The following RANBP10 variants were observed in gnomAD, a reference collection of about 807,000 sequenced individuals.
RANBP10 encodes ran-binding protein 10.
Under a neutral mutation model 72.8 loss-of-function variants are expected in RANBP10, and 24 were observed. That is an observed-to-expected ratio of 0.33 (90% confidence interval 0.24 to 0.46). RANBP10 has a LOEUF of 0.46. Among genes scored for constraint, RANBP10 ranks in the 20% least tolerant of loss-of-function variants. The pLI is 1.00. For synonymous variants in RANBP10, 310 were observed against 322.3 expected (o/e 0.96, Z 0.41); for missense variants, 679 against 817.5 (o/e 0.83, Z 2.07).
At chr16:67,793,721 A>G (rs563151714) in intron 2 of RANBP10, among the ~76,000 whole-genome samples, 1 of 152,244 alleles carries the variant, frequency 6.6e-6, no homozygotes, top group Admixed American at 6.5e-5. Flanking sequence ...TATAAGCATC[A>G]AAGTCCATAT....
At chr16:67,737,565 T>C (rs2053878749) in intron 5 of RANBP10, among the ~76,000 whole-genome samples, 1 of 151,876 alleles carries the variant, frequency 6.6e-6, no homozygotes, top group Admixed American at 6.6e-5. Flanking sequence ...GGCTTGGGGG[T>C]GCCCTAGATA....
intron 5 of RANBP10, among the ~76,000 whole-genome samples, chr16:67,737,202 T>TTTTTC (rs1567678422): frequency 7.4e-6 from 1 of 135,390 alleles, no homozygotes; most frequent in African/African-American, 2.8e-5. Flanking sequence ...CTTTTTTTTT[T>TTTTTC]TTTTTTTTTT....
chr16:67,786,206 G>C (rs1344916437), intron 2 of RANBP10, among the ~76,000 whole-genome samples: 1 of 151,896 alleles, frequency 6.6e-6, no homozygotes, highest in Non-Finnish European at 1.5e-5. Context: ...GCATGCACCT[G>C]TAGTCCCAGC....
At chr16:67,774,157 A>C (rs1041574576) in intron 2 of RANBP10, among the ~76,000 whole-genome samples, 5 of 152,216 alleles carry the variant, frequency 3.3e-5, no homozygotes, top group Admixed American at 3.3e-4. Context: ...CAAGTGCAAC[A>C]GTCAGGGCTT....
chr16:67,753,983 A>C (rs1435153902), intron 3 of RANBP10, among the ~76,000 whole-genome samples: 1 of 152,000 alleles, frequency 6.6e-6, no homozygotes, highest in Non-Finnish European at 1.5e-5. Flanking sequence ...AAAATACAAA[A>C]AATTAGCCAG....
intron 3 of RANBP10, among the ~76,000 whole-genome samples, chr16:67,754,682 C>T (rs1242384809): frequency 6.6e-6 from 1 of 152,212 alleles, no homozygotes; most frequent in Non-Finnish European, 1.5e-5. Flanking sequence ...GGCTAGGATC[C>T]TCACACAGGC....
At chr16:67,789,869 C>T (rs1331414288) in intron 2 of RANBP10, among the ~76,000 whole-genome samples, 1 of 151,852 alleles carries the variant, frequency 6.6e-6, no homozygotes, top group Admixed American at 6.6e-5. Context: ...GAGGCCAAGA[C>T]AGGCGGATCA....
intron 2 of RANBP10, among the ~76,000 whole-genome samples, chr16:67,794,647 C>T (rs1369035808): frequency 3.2e-4 from 48 of 150,128 alleles, no homozygotes; most frequent in Non-Finnish European, 5.2e-4. Context: ...CTCAGCCTCC[C>T]GAAGAGCTGA....
At chr16:67,792,870 G>A (rs1216793707) in intron 2 of RANBP10, among the ~76,000 whole-genome samples, 1 of 151,978 alleles carries the variant, frequency 6.6e-6, no homozygotes. Context: ...GTATGGGTCA[G>A]GAGACCCTCA....
chr16:67,740,902 C>A (rs2053957009), intron 4 of RANBP10, among the ~76,000 whole-genome samples: 1 of 152,126 alleles, frequency 6.6e-6, no homozygotes, highest in African/African-American at 2.4e-5. Flanking sequence ...TCTCTCTGTA[C>A]CCAGGAGAAG....
At chr16:67,779,698 AGGT>A (rs1426032350) in intron 2 of RANBP10, among the ~76,000 whole-genome samples, 1 of 152,128 alleles carries the variant, frequency 6.6e-6, no homozygotes, top group Non-Finnish European at 1.5e-5. Flanking sequence ...CTTTTCATAG[AGGT>A]TCTTCCAGTC....
chr16:67,777,445 AGAATGGCGTGAACCCAGGAGG>A (rs2054727628), intron 2 of RANBP10, among the ~76,000 whole-genome samples: 1 of 152,086 alleles, frequency 6.6e-6, no homozygotes, highest in Admixed American at 6.6e-5. Flanking sequence ...CTGAGGCAGG[AGAATGGCGTGAACCCAGGAGG>A]CTGAGCTTGC....
chr16:67,742,850 T>C (rs1214897972), intron 4 of RANBP10, among the ~76,000 whole-genome samples: 1 of 152,056 alleles, frequency 6.6e-6, no homozygotes, highest in Non-Finnish European at 1.5e-5. Context: ...GGAATCAGAG[T>C]GCAGAGTGGA....
chr16:67,751,087 T>C (rs2054187148), intron 3 of RANBP10, among the ~76,000 whole-genome samples: 1 of 152,164 alleles, frequency 6.6e-6, no homozygotes. Context: ...TTTCTCAGGT[T>C]AGAACAGTAG....
intron 3 of RANBP10, among the ~76,000 whole-genome samples, chr16:67,758,494 G>C (rs1007271579): frequency 6.6e-6 from 1 of 152,094 alleles, no homozygotes; most frequent in Admixed American, 6.6e-5. Flanking sequence ...ACCCCTTCTC[G>C]AAAGGAGCTC....
At chr16:67,749,152 G>C (rs1285802131) in intron 3 of RANBP10, among the ~76,000 whole-genome samples, 4 of 152,230 alleles carry the variant, frequency 2.6e-5, no homozygotes, top group Admixed American at 2.6e-4. Context: ...GCTGACAAGA[G>C]AGGCAGAGAG....
intron 6 of RANBP10, among the ~76,000 whole-genome samples, chr16:67,733,787 T>C (rs182985696): frequency 6.6e-6 from 1 of 152,288 alleles, no homozygotes; most frequent in Admixed American, 6.5e-5. Context: ...GGCAACAAAG[T>C]GCGACCCCAT....
chr16:67,751,785 G>A (rs546147097), intron 3 of RANBP10, among the ~76,000 whole-genome samples: 18 of 152,044 alleles, frequency 1.2e-4, no homozygotes, highest in South Asian at 4.2e-4. Context: ...GCGTGGTGGC[G>A]TGCTCCTGTA....
intron 3 of RANBP10, among the ~76,000 whole-genome samples, chr16:67,746,529 T>C (rs891540298): frequency 6.6e-6 from 1 of 152,144 alleles, no homozygotes; most frequent in African/African-American, 2.4e-5. Context: ...CGCCTGCCTA[T>C]AGTCCCAGCT....
Sources: gnomAD v4.1 joint callset for allele counts (sites outside exome capture counted in the v4.1 genomes callset) on GRCh38, gnomAD v4.1.1 for gene constraint, MANE v1.5 for transcripts, NCBI Gene and HGNC (gene_info 2026-07-23, HGNC 2026-07-21) for gene names.